Variants in DST observed in about 807,000 individuals in gnomAD.
The protein encoded by DST is dystonin, also known as bullous pemphigoid antigen.
A neutral mutation model predicts 875.2 loss-of-function variants in DST; 253 were observed. That is an observed-to-expected ratio of 0.29 (90% confidence interval 0.26 to 0.32). DST has a LOEUF of 0.32. DST is among the 10% of genes least tolerant of loss of function. The pLI, the probability that DST is intolerant of heterozygous loss-of-function variation, is 1.00. For synonymous variants in DST, 3,124 were observed against 3,197.1 expected (o/e 0.98, Z 0.77); for missense variants, 8,287 against 9,111.6 (o/e 0.91, Z 3.68).
intron 3 of DST, among the ~76,000 whole-genome samples, chr6:56,865,295 GTC>G (rs1214618682): frequency 1.4e-5 from 2 of 147,998 alleles, no homozygotes; most frequent in African/African-American, 5.2e-5. Flanking sequence ...GTGTGTGTGT[GTC>G]TGTATGTGTG....
intron 3 of DST, chr6:56,871,778 A>T: frequency 5.1e-5 from 9 of 177,998 alleles, no homozygotes; most frequent in South Asian, 1.8e-4. Flanking sequence ...ATTAAAAGTA[A>T]AAAAAAAAAA....
intron 4 of DST, among the ~76,000 whole-genome samples, chr6:56,739,935 C>T (rs1018961310): frequency 1.3e-5 from 2 of 152,170 alleles, no homozygotes; most frequent in Non-Finnish European, 2.9e-5. Flanking sequence ...ATTCTCAGCT[C>T]GCTACAACCT....
At chr6:56,823,702 C>T (rs1391067474) in intron 4 of DST, among the ~76,000 whole-genome samples, 13 of 152,296 alleles carry the variant, frequency 8.5e-5, no homozygotes, top group Non-Finnish European at 1.5e-5. Flanking sequence ...AGCCACCACA[C>T]CTGGCCTGTA....
At chr6:56,786,440 T>C (rs970189014) in intron 4 of DST, among the ~76,000 whole-genome samples, 2 of 152,228 alleles carry the variant, frequency 1.3e-5, no homozygotes, top group Non-Finnish European at 2.9e-5. Flanking sequence ...ACTTGCTGTT[T>C]CCTATGTGTT....
intron 4 of DST, among the ~76,000 whole-genome samples, chr6:56,790,258 T>C (rs990935298): frequency 6.6e-6 from 1 of 152,188 alleles, no homozygotes; most frequent in Non-Finnish European, 1.5e-5. Flanking sequence ...CTATCTACTA[T>C]GATAGATAGT....
At chr6:56,856,440 A>C (rs1468443455) in intron 3 of DST, among the ~76,000 whole-genome samples, 2 of 152,190 alleles carry the variant, frequency 1.3e-5, no homozygotes, top group Admixed American at 1.3e-4. Flanking sequence ...CATATTTATA[A>C]CTTAAGCACA....
chr6:56,659,663 A>C (rs2152810325), intron 10 of DST, among the ~76,000 whole-genome samples: 2 of 152,290 alleles, frequency 1.3e-5, no homozygotes, highest in Middle Eastern at 3.4e-3. Context: ...GGATATTGCC[A>C]CCTCTTCTGA....
intron 4 of DST, among the ~76,000 whole-genome samples, chr6:56,814,541 C>G (rs1408266789): frequency 6.6e-6 from 1 of 152,194 alleles, no homozygotes; most frequent in Non-Finnish European, 1.5e-5. Context: ...AAAGAAAACA[C>G]TTAATTTGAG....
At chr6:56,904,425 T>C (rs942759281) in intron 2 of DST, among the ~76,000 whole-genome samples, 4 of 152,236 alleles carry the variant, frequency 2.6e-5, no homozygotes, top group Admixed American at 6.5e-5. Flanking sequence ...CAAATGCATA[T>C]AACAATACGT....
chr6:56,536,941 C>T lies in DST; in HGVS notation c.16609-1G>A. 6.2e-7 allele frequency: 1 copy of T among 1,613,338 alleles called. No individual in the cohort carries two copies. Among genetic ancestry groups the T allele is most frequent in the Non-Finnish European group, 8.5e-7 (1 of 1,179,464 alleles). ...GTTCAATCTCTTCTTTCTGGAATAC[C>T]TGCAGTTAAAAGAGTAATAATTATA... On this transcript the variant is annotated splice_acceptor_variant, in intron 61 of 103. Transcript: ENST00000680361. LOFTEE classifies it high-confidence loss of function.
chr6:56,738,754 T>C (rs2152934040), intron 4 of DST, among the ~76,000 whole-genome samples: 1 of 151,648 alleles, frequency 6.6e-6, no homozygotes, highest in Non-Finnish European at 1.5e-5. Flanking sequence ...TCCCAAGGAG[T>C]TGGGACTACA....
At chr6:56,652,026 T>C (rs2098978770) in intron 10 of DST, among the ~76,000 whole-genome samples, 1 of 152,220 alleles carries the variant, frequency 6.6e-6, no homozygotes, top group Non-Finnish European at 1.5e-5. Flanking sequence ...GTTGGTTCCT[T>C]AGTAATCTGA....
chr6:56,471,343 T>C, intron 94 of DST, 75 bp from the exon 95 acceptor site: 1 of 1,139,220 alleles, frequency 8.8e-7, no homozygotes, highest in Non-Finnish European at 1.2e-6. Context: ...GAATAACTTT[T>C]GAAATGATTC....
At chr6:56,693,368 T>C in intron 9 of DST, 2 of 1,130,198 alleles carry the variant, frequency 1.8e-6, no homozygotes, top group Non-Finnish European at 2.2e-6. Flanking sequence ...CATTAGACAC[T>C]GTGGCTTATT....
At chr6:56,953,997 T>C (rs933654874) in intron 1 of DST, among the ~76,000 whole-genome samples, 178 bp from the exon 2 acceptor site, 1 of 152,118 alleles carries the variant, frequency 6.6e-6, no homozygotes, top group Admixed American at 6.5e-5. Context: ...CTACGTGATT[T>C]CTCCGCGAGA....
chr6:56,468,271 T>C (rs989290537), intron 98 of DST, among the ~76,000 whole-genome samples: 2 of 152,170 alleles, frequency 1.3e-5, no homozygotes, highest in Non-Finnish European at 2.9e-5. Context: ...CAGGTTATAC[T>C]GACTTAAATG....
intron 65 of DST, 56 bp downstream of exon 65, chr6:56,529,918 G>A: frequency 6.3e-7 from 1 of 1,589,840 alleles, no homozygotes; most frequent in Non-Finnish European, 8.6e-7. Flanking sequence ...TCAAATTTAT[G>A]TCACAAAACC....
At chr6:56,808,319 A>C (rs191268068) in intron 4 of DST, among the ~76,000 whole-genome samples, 295 of 152,278 alleles carry the variant, frequency 1.9e-3, no homozygotes, top group Middle Eastern at 3.4e-3. Context: ...AAAAGTCTAT[A>C]GGAATCGTTT....
chr6:56,468,201 A>C (rs115455754), intron 98 of DST, among the ~76,000 whole-genome samples: 1 of 152,170 alleles, frequency 6.6e-6, no homozygotes, highest in South Asian at 2.1e-4. Flanking sequence ...GAACATGTTT[A>C]AATCAAAACA....
Sources: allele counts gnomAD v4.1 joint callset (sites outside exome capture counted in the v4.1 genomes callset), GRCh38; gene constraint gnomAD v4.1.1; transcripts MANE v1.5; gene names NCBI Gene and HGNC (gene_info 2026-07-23, HGNC 2026-07-21).